Variants in CAMK1D observed in about 807,000 individuals in gnomAD.
The protein encoded by CAMK1D is calcium/calmodulin-dependent protein kinase type 1D.
CAMK1D carries 9 observed loss-of-function variants against 47.7 expected under a neutral mutation model. That is an observed-to-expected ratio of 0.19 (90% CI 0.11 to 0.33). The LOEUF (loss-of-function observed/expected upper bound fraction) is 0.33. Ranked by LOEUF, CAMK1D falls within the 10% of genes least tolerant of loss-of-function variation. CAMK1D has a pLI of 1.00. For missense variants in CAMK1D, 291 were observed against 488.7 expected (o/e 0.60, Z 3.81); for synonymous variants, 184 against 184.9 (o/e 0.99, Z 0.04).
At chr10:12,758,506 A>G (rs748278530) in intron 3 of CAMK1D, among the ~76,000 whole-genome samples, 17 of 152,234 alleles carry the variant, frequency 1.1e-4, no homozygotes, top group Admixed American at 2.6e-4. Context: ...TTTGAAATGT[A>G]AGAAGCAGAA....
intron 3 of CAMK1D, among the ~76,000 whole-genome samples, chr10:12,753,681 C>G (rs1475911176): frequency 6.6e-6 from 1 of 152,192 alleles, no homozygotes; most frequent in East Asian, 1.9e-4. Context: ...GCTGAACGCA[C>G]TCAACAGTGG....
rs1050910724 is a variant in CAMK1D, at chr10:12,368,116, C to T, written c.92+18206C>T. ...CTGAGGCAGGAGAATGGCGTGAGCC[C>T]GGGAGGCGGAGCTTGCAGTGAGCCG... is the stretch of plus-strand genomic sequence containing the variant. On this transcript the variant is annotated intron_variant, in intron 1 of 10. Transcript: ENST00000619168. Among the ~76,000 whole-genome samples the T allele has an allele frequency of 1.1e-4, 17 of 150,590 alleles. No individual in the cohort carries two copies. The East Asian group carries it at 1.2e-3, about 10-fold the overall frequency.
chr10:12,820,095 G>C (rs759875961), intron 8 of CAMK1D, among the ~76,000 whole-genome samples: 1 of 152,206 alleles, frequency 6.6e-6, no homozygotes, highest in Admixed American at 6.5e-5. Flanking sequence ...GCTAGAGTGC[G>C]GTGGCGCGAT....
chr10:12,552,577 A>G (rs1836620102), intron 1 of CAMK1D, among the ~76,000 whole-genome samples: 1 of 152,162 alleles, frequency 6.6e-6, no homozygotes, highest in Non-Finnish European at 1.5e-5. Context: ...CCTTTTCTGT[A>G]GGAGGAACCT....
intron 1 of CAMK1D, among the ~76,000 whole-genome samples, chr10:12,377,263 T>A (rs1214641050): frequency 6.6e-6 from 1 of 152,184 alleles, no homozygotes; most frequent in Non-Finnish European, 1.5e-5. Flanking sequence ...CTGAAACTTT[T>A]AAAAAAAGTG....
chr10:12,668,321 T>C (rs1840497389), intron 3 of CAMK1D, among the ~76,000 whole-genome samples: 1 of 152,238 alleles, frequency 6.6e-6, no homozygotes, highest in Non-Finnish European at 1.5e-5. Context: ...TAGCTGTGTA[T>C]TTAAATGTGT....
intron 2 of CAMK1D, among the ~76,000 whole-genome samples, chr10:12,618,717 GAA>G (rs58015035): frequency 6.7e-6 from 1 of 149,898 alleles, no homozygotes; most frequent in East Asian, 1.9e-4. Flanking sequence ...GGATTCATGG[GAA>G]AAAAAAAGAG....
At chr10:12,355,812 T>C (rs924923465) in intron 1 of CAMK1D, among the ~76,000 whole-genome samples, 5 of 152,096 alleles carry the variant, frequency 3.3e-5, no homozygotes, top group Admixed American at 6.6e-5. Flanking sequence ...GAGACGGCAG[T>C]GAGCAGACGA....
chr10:12,589,252 A>C (rs192137763), intron 2 of CAMK1D, among the ~76,000 whole-genome samples: 19 of 152,276 alleles, frequency 1.2e-4, no homozygotes, highest in Admixed American at 3.9e-4. Context: ...GAGTTCAAAC[A>C]ATCTTCCCAC....
chr10:12,560,532 A>C (rs1384385109), intron 2 of CAMK1D, among the ~76,000 whole-genome samples: 1 of 148,302 alleles, frequency 6.7e-6, no homozygotes, highest in African/African-American at 2.5e-5. Context: ...CAGCCTGGGC[A>C]ACGAGAGGAA....
In CAMK1D at chr10:12,700,655, G is replaced by T. The variant is rs182863168; in HGVS notation, c.299+33845G>T. Among the ~76,000 whole-genome samples the T allele has an allele frequency of 2.0e-5, 3 of 152,234 alleles. No individual in the cohort carries two copies. In the East Asian group the frequency reaches 5.8e-4, roughly 29 times the overall value. On this transcript the variant is annotated intron_variant, in intron 3 of 10. Transcript: ENST00000619168. ...AAAAGCAAACATATATGAAAGACATGGCACGAAATAGCCCAGAGAAAGGAC... is the reference window on the plus strand; with the variant it reads ...AAAAGCAAACATATATGAAAGACATTGCACGAAATAGCCCAGAGAAAGGAC...
In CAMK1D at chr10:12,620,186, C is replaced by CAAAAAAAAAAAAAAAAAAAAA; in HGVS notation, c.225-46538_225-46518dup. 9.4e-4 allele frequency among the ~76,000 whole-genome samples: 81 copies of CAAAAAAAAAAAAAAAAAAAAA among 86,578 alleles called. 2 individuals carry two copies. The highest frequency in any genetic ancestry group is 1.3e-3 in the Non-Finnish European group (59 of 47,084). The allele number at this position is 86,578 out of a possible 152,430, so 56.8% of individuals were successfully genotyped here. The stretch of plus-strand genomic sequence containing the variant: ...TGGGCGACAGAGCGAGACTCCGTCT[C>CAAAAAAAAAAAAAAAAAAAAA]AAAAAAAAAAAAAAAAAAAAAAAAA... On this transcript the variant is annotated intron_variant, in intron 2 of 10. Transcript: ENST00000619168.
chr10:12,478,043 T>C (rs1833953544), intron 1 of CAMK1D, among the ~76,000 whole-genome samples: 1 of 150,956 alleles, frequency 6.6e-6, no homozygotes, highest in Non-Finnish European at 1.5e-5. Flanking sequence ...TCTTGCTCTG[T>C]CACCCAGGCT....
chr10:12,354,985 G>A (rs1406758829), intron 1 of CAMK1D, among the ~76,000 whole-genome samples: 1 of 151,910 alleles, frequency 6.6e-6, no homozygotes. Context: ...AGGACTACAG[G>A]TGTGCACCAC....
In CAMK1D at chr10:12,830,452, G is replaced by C. The variant is rs375403809; in HGVS notation, c.*1565G>C. The C allele has an allele frequency of 1.3e-5, 2 of 152,280 alleles. No homozygotes were observed. Among genetic ancestry groups the C allele is most frequent in the African/African-American group, 4.8e-5 (2 of 41,406 alleles). The allele number at this position is 152,280 out of a possible 1,614,324, so 9.4% of individuals were successfully genotyped here. ...TGCTTGCAGCCCTCCCATTGGTCAG[G>C]GGAGTCTAAAATCAAAGATACATGG... On this transcript the variant is annotated 3_prime_UTR_variant, in exon 11 of 11. Transcript: ENST00000619168.
At chr10:12,440,286 ATTTT>A in intron 1 of CAMK1D, among the ~76,000 whole-genome samples, 1 of 135,562 alleles carries the variant, frequency 7.4e-6, no homozygotes, top group South Asian at 2.4e-4. Context: ...GTCTTTTTGG[ATTTT>A]TTTTTTTTTT....
At chr10:12,385,508 C>T (rs1244791828) in intron 1 of CAMK1D, among the ~76,000 whole-genome samples, 3 of 152,188 alleles carry the variant, frequency 2.0e-5, no homozygotes, top group East Asian at 1.9e-4. Context: ...CAAGAAACTA[C>T]ATACTGTGTG....
At chr10:12,480,444 A>C (rs562116788) in intron 1 of CAMK1D, among the ~76,000 whole-genome samples, 7 of 147,972 alleles carry the variant, frequency 4.7e-5, no homozygotes, top group Non-Finnish European at 1.1e-4. Flanking sequence ...CAAAAACAAA[A>C]AACAAAAAAC....
chr10:12,714,675 C>T (rs1009170001), intron 3 of CAMK1D, among the ~76,000 whole-genome samples: 2 of 151,842 alleles, frequency 1.3e-5, no homozygotes, highest in Non-Finnish European at 2.9e-5. Context: ...GCCGAGATCA[C>T]GCCACTGCAC....
Sources: gnomAD v4.1 joint callset for allele counts (sites outside exome capture counted in the v4.1 genomes callset) on GRCh38, gnomAD v4.1.1 for gene constraint, MANE v1.5 for transcripts, NCBI Gene and HGNC (gene_info 2026-07-23, HGNC 2026-07-21) for gene names.